The following CDH23 variants were observed in gnomAD, a reference collection of about 807,000 sequenced individuals.
CDH23 encodes cadherin related 23.
CDH23 carries 189 observed loss-of-function variants against 317.1 expected under a neutral mutation model. The observed-to-expected ratio is 0.60, with a 90% CI of 0.53 to 0.67. CDH23 has a LOEUF of 0.67. CDH23 is among the 30% of genes least tolerant of loss of function. CDH23 has a pLI of 0.00. For missense variants in CDH23, 4,401 were observed against 4,592.4 expected (o/e 0.96, Z 1.20); for synonymous variants, 1,839 against 1,876.8 (o/e 0.98, Z 0.52).
At chr10:71,403,416 C>CTTTCT (rs1564558263) in intron 1 of CDH23, among the ~76,000 whole-genome samples, 2 of 52,700 alleles carry the variant, frequency 3.8e-5, no homozygotes, top group Non-Finnish European at 6.2e-5. Context: ...TCTCTTCCTT[C>CTTTCT]CTTCCTTCCT....
At chr10:71,431,544 G>A (rs988928969) in intron 1 of CDH23, among the ~76,000 whole-genome samples, 1 of 152,242 alleles carries the variant, frequency 6.6e-6, no homozygotes, top group Admixed American at 6.5e-5. Flanking sequence ...GAACCTCTCT[G>A]TGTGTAGCAG....
Position 71,725,609 on chromosome 10 carries a change from G to A in CDH23, c.3579+89G>A, listed in dbSNP as rs1031173769. ...AGAAGGCCATTAGTTGGCGCCTGGT[G>A]TGGGCAGGGCCACCACTGATTTAGG... On this transcript the variant is annotated intron_variant, in intron 30 of 69. Coordinates refer to ENST00000224721, the MANE Select transcript of CDH23 (RefSeq NM_022124.6). The A allele has an allele frequency of 1.3e-5, 19 of 1,433,100 alleles. No homozygotes were observed. In the Admixed American group the frequency reaches 3.7e-4, roughly 28 times the overall value. The allele number at this position is 1,433,100 out of a possible 1,614,324, so 88.8% of individuals were successfully genotyped here. A position where few individuals can be genotyped will look rare whatever the true frequency, so the allele number is the denominator to read the frequency against.
chr10:71,488,016 G>C (rs542585720), intron 3 of CDH23, among the ~76,000 whole-genome samples: 12 of 152,342 alleles, frequency 7.9e-5, no homozygotes, highest in African/African-American at 2.9e-4. Flanking sequence ...CACTCCTCAG[G>C]CCTTGGCCCC....
At chr10:71,718,365 C>A (rs896264889) in intron 28 of CDH23, among the ~76,000 whole-genome samples, 7 of 138,380 alleles carry the variant, frequency 5.1e-5, no homozygotes, top group African/African-American at 1.8e-4. Flanking sequence ...CCCACCCATT[C>A]CCCACCACCA....
At chr10:71,609,951 CGTGT>C (rs34311857) in intron 9 of CDH23, among the ~76,000 whole-genome samples, 4,813 of 142,712 alleles carry the variant, frequency 0.034, 208 homozygotes, top group East Asian at 0.15. Flanking sequence ...AGGACTCCCC[CGTGT>C]GTGTGTGTGT....
At chr10:71,694,386 A>G (rs1188218194) in intron 21 of CDH23, 127 bp downstream of exon 21, 12 of 713,582 alleles carry the variant, frequency 1.7e-5, no homozygotes, top group Non-Finnish European at 2.8e-5. Context: ...AAGGGGGCGA[A>G]AATGAACCCA....
At chr10:71,409,608 A>C (rs567515393) in intron 1 of CDH23, among the ~76,000 whole-genome samples, 1 of 152,230 alleles carries the variant, frequency 6.6e-6, no homozygotes, top group East Asian at 1.9e-4. Flanking sequence ...GCACCCGGGC[A>C]GTGCTTGGGA....
At chr10:71,741,275 G>C (rs954253361) in intron 37 of CDH23, among the ~76,000 whole-genome samples, 1 of 152,208 alleles carries the variant, frequency 6.6e-6, no homozygotes, top group Non-Finnish European at 1.5e-5. Context: ...ACTCCAATCT[G>C]CCCTGGCATT....
intron 11 of CDH23, among the ~76,000 whole-genome samples, chr10:71,618,311 G>A (rs1861296256): frequency 6.6e-6 from 1 of 152,020 alleles, no homozygotes; most frequent in African/African-American, 2.4e-5. Flanking sequence ...CTCAGGGTGG[G>A]GGCAGCCCCC....
rs1274105133 is a variant in CDH23, at chr10:71,682,444, G to T, written c.1859-1G>T. 1 of 1,611,622 alleles carries T rather than the reference G, an allele frequency of 6.2e-7. No homozygotes were observed. The highest frequency in any genetic ancestry group is 8.5e-7 in the Non-Finnish European group (1 of 1,178,816). On this transcript the variant is annotated splice_acceptor_variant, in intron 17 of 69. Transcript: ENST00000224721. LOFTEE classifies it high-confidence loss of function. Reference sequence around the variant, plus strand: ...GATCTGGCCTGTTCCTGTCATTGCAGTGATCAGCGTCAGTCGCCCCCTGGA... The same window carrying T: ...GATCTGGCCTGTTCCTGTCATTGCATTGATCAGCGTCAGTCGCCCCCTGGA...
At chr10:71,545,390 G>A (rs1476578227) in intron 6 of CDH23, among the ~76,000 whole-genome samples, 2 of 152,114 alleles carry the variant, frequency 1.3e-5, no homozygotes, top group African/African-American at 2.4e-5. Flanking sequence ...CCACTTTCTC[G>A]GGCTGTCTTC....
intron 11 of CDH23, among the ~76,000 whole-genome samples, chr10:71,642,975 C>T (rs543825012): frequency 4.3e-4 from 66 of 152,336 alleles, no homozygotes; most frequent in African/African-American, 1.5e-3. Context: ...AACTGTAACC[C>T]AGTGATGCAA....
At chr10:71,551,645 G>A (rs1856602599) in intron 6 of CDH23, among the ~76,000 whole-genome samples, 2 of 152,134 alleles carry the variant, frequency 1.3e-5, no homozygotes, top group Non-Finnish European at 2.9e-5. Flanking sequence ...CAGGATTCTG[G>A]TTTCCCTCTT....
chr10:71,813,476 G>C (rs1842012809), intron 69 of CDH23, 128 bp downstream of exon 69: 2 of 806,060 alleles, frequency 2.5e-6, no homozygotes, highest in African/African-American at 3.4e-5. Context: ...ACAGCAATGG[G>C]TGGGGGCCAG....
At chr10:71,813,389 G>C (rs1209527010) in intron 69 of CDH23, 41 bp downstream of exon 69, 3 of 1,472,934 alleles carry the variant, frequency 2.0e-6, no homozygotes, top group Admixed American at 3.9e-5. Flanking sequence ...CTGTGCCCCA[G>C]CCTGGGGATG....
At chr10:71,635,526 C>CGGATTG (rs1862226275) in intron 11 of CDH23, among the ~76,000 whole-genome samples, 1 of 152,084 alleles carries the variant, frequency 6.6e-6, no homozygotes. Flanking sequence ...GAGGCAGCCT[C>CGGATTG]GGATTGATCC....
chr10:71,718,101 G>T (rs983217953), intron 28 of CDH23, among the ~76,000 whole-genome samples: 3 of 152,164 alleles, frequency 2.0e-5, no homozygotes, highest in African/African-American at 7.2e-5. Flanking sequence ...GAGGGTGGGG[G>T]ATAGCAGATT....
At chr10:71,629,611 G>C (rs991951867) in intron 11 of CDH23, among the ~76,000 whole-genome samples, 1 of 152,234 alleles carries the variant, frequency 6.6e-6, no homozygotes, top group African/African-American at 2.4e-5. Context: ...TACATCCGCT[G>C]CCGAATGGAG....
chr10:71,677,552 CG>C lies in CDH23; in HGVS notation c.1616del (p.Gly539AlafsTer82). 6.2e-7 allele frequency: 1 copy of C among 1,611,656 alleles called. No individual in the cohort carries two copies. Among genetic ancestry groups the C allele is most frequent in the Non-Finnish European group, 8.5e-7 (1 of 1,179,198 alleles). Reference sequence around the variant, plus strand: ...TCACCCTGACGATCATTGCCCGGGACGGGGGCGGCGAGGAGACCACAGGCCG... The same window carrying C: ...TCACCCTGACGATCATTGCCCGGGACGGGGCGGCGAGGAGACCACAGGCCG... ...RFTLTIIARD[G>X]GGEETTGRVR... On this transcript the variant is annotated frameshift_variant, in exon 16 of 70. Transcript: ENST00000224721. LOFTEE classifies it high-confidence loss of function.
Sources: gnomAD v4.1 joint callset for allele counts (sites outside exome capture counted in the v4.1 genomes callset) on GRCh38, gnomAD v4.1.1 for gene constraint, MANE v1.5 for transcripts, NCBI Gene and HGNC (gene_info 2026-07-23, HGNC 2026-07-21) for gene names.